The following RHBDF2 variants were observed in gnomAD, a reference collection of about 807,000 sequenced individuals.
RHBDF2 encodes the protein rhomboid 5 homolog 2.
A neutral mutation model predicts 95.2 loss-of-function variants in RHBDF2; 38 were observed. The observed-to-expected ratio is 0.40, with a 90% CI of 0.31 to 0.52. The LOEUF is 0.52. RHBDF2 is among the 20% of genes least tolerant of loss of function. The pLI is 0.56. For missense variants in RHBDF2, 863 were observed against 1,137.7 expected, an observed-to-expected ratio of 0.76 and a Z score of 3.47; for synonymous variants, 442 against 462.0, an observed-to-expected ratio of 0.96 and a Z score of 0.55.
chr17:76,478,154 G>A (rs60514399), intron 6 of RHBDF2, among the ~76,000 whole-genome samples: 2,102 of 152,228 alleles, frequency 0.014, 49 homozygotes, highest in African/African-American at 0.047. Context: ...TTCTTGGCAC[G>A]GAATACCAGG....
chr17:76,474,310 G>A (rs1048038128), intron 12 of RHBDF2, 63 bp downstream of exon 12: 12 of 1,568,598 alleles, frequency 7.7e-6, no homozygotes, highest in Non-Finnish European at 1.0e-5. Context: ...TTGAAGGACA[G>A]GGCAAGTGGA....
intron 1 of RHBDF2, among the ~76,000 whole-genome samples, chr17:76,494,891 G>C (rs1160364834): frequency 6.6e-6 from 1 of 152,202 alleles, no homozygotes; most frequent in Non-Finnish European, 1.5e-5. Context: ...GCAGGCTTTG[G>C]GGCAATGAAG....
chr17:76,477,807 G>A (rs1283780341), intron 6 of RHBDF2, 22 bp from the exon 7 acceptor site: 33 of 1,605,116 alleles, frequency 2.1e-5, no homozygotes, highest in Non-Finnish European at 2.8e-5. Flanking sequence ...CAGAGGCACA[G>A]CCATCAGGAC....
In RHBDF2 at chr17:76,471,825, G is replaced by A. The variant is rs144566373; in HGVS notation, c.2292C>T (p.Phe764=). 58 of 1,599,180 alleles carry A rather than the reference G, an allele frequency of 3.6e-5. No homozygotes were observed. Among genetic ancestry groups the A allele is most frequent in the Middle Eastern group, 1.7e-4 (1 of 6,050 alleles). ...LAFAFLPYIT[F]GTSDKYRKRA... ...GCTTGCGGTACTTGTCGCTGGTGCCGAAGGTGATGTAGGGCAGGAAGGCGA... is the reference window on the plus strand; with the variant it reads ...GCTTGCGGTACTTGTCGCTGGTGCCAAAGGTGATGTAGGGCAGGAAGGCGA... The change falls in exon 19 of 19, where the codon TTC becomes TTT. Residue 764 remains phenylalanine, a synonymous_variant. Transcript: ENST00000675367.
At chr17:76,499,585 T>C (rs931061149) in intron 1 of RHBDF2, among the ~76,000 whole-genome samples, 1 of 152,132 alleles carries the variant, frequency 6.6e-6, no homozygotes, top group African/African-American at 2.4e-5. Context: ...GGGTGCCCTC[T>C]TTATTGCAGG....
At chr17:76,488,747 G>C (rs894983142) in intron 1 of RHBDF2, among the ~76,000 whole-genome samples, 6 of 152,190 alleles carry the variant, frequency 3.9e-5, no homozygotes, top group African/African-American at 1.4e-4. Context: ...AGGAGTTCGA[G>C]ACCAGTCTGG....
chr17:76,477,196 C>A lies in RHBDF2; in HGVS notation c.904G>T (p.Gly302Trp). 1 of 1,611,468 alleles carries A rather than the reference C, an allele frequency of 6.2e-7. No individual in the cohort carries two copies. The change falls in exon 8 of 19, where the codon GGG becomes TGG. Residue 302 changes from glycine (G) to tryptophan (W), a missense_variant. By Grantham distance (184) the Gly-to-Trp change is radical. Coordinates refer to ENST00000675367, the MANE Select transcript of RHBDF2 (RefSeq NM_001005498.4). ...AGCACTCACAGAGGGATTTGCACCC[C>A]ATCGGGGGAGACAGGGGAGGCTGAG... ...PHSASPVSPD[G>W]VQIPLKEYGR...
intron 1 of RHBDF2, among the ~76,000 whole-genome samples, chr17:76,494,804 G>A (rs1267950130): frequency 6.6e-6 from 1 of 152,174 alleles, no homozygotes; most frequent in Admixed American, 6.5e-5. Context: ...CAGGCAAGTG[G>A]CAGCAGCTGG....
chr17:76,498,648 A>G (rs1429473148), intron 1 of RHBDF2, among the ~76,000 whole-genome samples: 1 of 152,188 alleles, frequency 6.6e-6, no homozygotes, highest in Non-Finnish European at 1.5e-5. Context: ...CAGTATCCAG[A>G]GCTGAGGCCA....
intron 4 of RHBDF2, 57 bp from the exon 5 acceptor site, chr17:76,479,334 AGTGTGTGGAAGGGGTGATGGCAC>A (rs1034190499): frequency 1.9e-6 from 3 of 1,544,008 alleles, no homozygotes; most frequent in Admixed American, 3.9e-5. Flanking sequence ...TGTGCACCTG[AGTGTGTGGAAGGGGTGATGGCAC>A]GTGTGTGCCC....
At chr17:76,486,406 CTG>C (rs1237904152) in intron 2 of RHBDF2, among the ~76,000 whole-genome samples, 2 of 152,136 alleles carry the variant, frequency 1.3e-5, no homozygotes, top group Admixed American at 6.6e-5. Context: ...TGCCCAGCCT[CTG>C]TGAATATATC....
chr17:76,489,673 C>T (rs1307988884), intron 1 of RHBDF2, among the ~76,000 whole-genome samples: 1 of 148,900 alleles, frequency 6.7e-6, no homozygotes, highest in African/African-American at 2.5e-5. Context: ...GAGGGGAACC[C>T]CAAGATGCCG....
intron 2 of RHBDF2, among the ~76,000 whole-genome samples, chr17:76,485,556 A>G (rs1298844639): frequency 7.8e-5 from 2 of 25,666 alleles, no homozygotes; most frequent in Non-Finnish European, 2.6e-4. Context: ...ACTGCACTCC[A>G]GGCCTCCAGC....
At position 76,476,907 on chromosome 17, in the gene RHBDF2, G is replaced by T. The variant is rs150400801; in HGVS notation, c.1038C>A (p.Gly346=). ...KKRHYGLGVV[G]NWLNRSYRRS... is the part of the protein sequence containing the mutation. Reference sequence around the variant, plus strand: ...GGCGGTAGCTGCGGTTCAGCCAGTTGCCCACCACGCCGAGGCCGTAGTGCC... The same window carrying T: ...GGCGGTAGCTGCGGTTCAGCCAGTTTCCCACCACGCCGAGGCCGTAGTGCC... The change falls in exon 9 of 19, where the codon GGC becomes GGA. Residue 346 remains glycine (G), a synonymous_variant. Transcript: ENST00000675367. The T allele has an allele frequency of 2.7e-5, 43 of 1,613,424 alleles. No homozygotes were observed. In the African/African-American group the frequency reaches 5.3e-4, roughly 20 times the overall value.
At chr17:76,478,740 TGGAAGGGAGGGGCAA>T (rs1433062651) in intron 6 of RHBDF2, 51 bp downstream of exon 6, 1 of 1,351,338 alleles carries the variant, frequency 7.4e-7, no homozygotes, top group African/African-American at 1.5e-5. Flanking sequence ...CTATGAGGAG[TGGAAGGGAGGGGCAA>T]GGAAGGGAGG....
At chr17:76,497,261 C>A (rs554789067) in intron 1 of RHBDF2, among the ~76,000 whole-genome samples, 4 of 152,126 alleles carry the variant, frequency 2.6e-5, no homozygotes, top group Admixed American at 2.6e-4. Context: ...CAGGAACCTA[C>A]GCCAGGGAAA....
chr17:76,471,571 G>T lies in RHBDF2; in HGVS notation c.*62C>A. ...GGCACACAGAGAGCGCTCTGCAGAGGGCAGCCCTCGCAGGCAGACCCTGTT... is the reference window on the plus strand; with the variant it reads ...GGCACACAGAGAGCGCTCTGCAGAGTGCAGCCCTCGCAGGCAGACCCTGTT... On this transcript the variant is annotated 3_prime_UTR_variant, in exon 19 of 19. Transcript: ENST00000675367. 1 of 1,482,204 alleles carries T rather than the reference G, an allele frequency of 6.7e-7. No homozygotes were observed. Among genetic ancestry groups the T allele is most frequent in the South Asian group, 1.4e-5 (1 of 73,474 alleles). The allele number at this position is 1,482,204 out of a possible 1,614,324, so 91.8% of individuals were successfully genotyped here.
At chr17:76,481,610 G>A (rs1001096692) in intron 2 of RHBDF2, 65 bp from the exon 3 acceptor site, 10 of 1,399,104 alleles carry the variant, frequency 7.1e-6, no homozygotes, top group Non-Finnish European at 9.7e-6. Flanking sequence ...GGACCCTGAC[G>A]CCAGGGCACG....
intron 1 of RHBDF2, among the ~76,000 whole-genome samples, chr17:76,494,107 C>A (rs2074378985): frequency 6.6e-6 from 1 of 151,942 alleles, no homozygotes; most frequent in Admixed American, 6.5e-5. Flanking sequence ...GAGGTGTGAA[C>A]CTGTGTGTGT....
Sources: gnomAD v4.1 joint callset for allele counts (sites outside exome capture counted in the v4.1 genomes callset) on GRCh38, gnomAD v4.1.1 for gene constraint, MANE v1.5 for transcripts, NCBI Gene and HGNC (gene_info 2026-07-23, HGNC 2026-07-21) for gene names.